STK24: variants seen among roughly 807,000 people sequenced by gnomAD.
STK24 encodes serine/threonine-protein kinase 24.
In STK24, 21 loss-of-function variants were observed where a neutral mutation model predicts 55.6. The ratio of observed to expected loss-of-function variants is 0.38; its 90% CI spans 0.27 to 0.54. The LOEUF is 0.54. Among genes scored for constraint, STK24 ranks in the 20% least tolerant of loss-of-function variants. The pLI, the probability that STK24 is intolerant of heterozygous loss-of-function variation, is 0.79. For missense variants in STK24, 383 were observed against 538.4 expected, an observed-to-expected ratio of 0.71 and a Z score of 2.86; for synonymous variants, 200 against 215.2, an observed-to-expected ratio of 0.93 and a Z score of 0.62.
chr13:98,519,685 A>G (rs1010004179), intron 1 of STK24, among the ~76,000 whole-genome samples: 14 of 152,228 alleles, frequency 9.2e-5, no homozygotes, highest in African/African-American at 3.4e-4. Context: ...CAGACTATGA[A>G]AGGCAGCAAG....
intron 2 of STK24, among the ~76,000 whole-genome samples, chr13:98,483,503 C>G (rs1379930739): frequency 6.6e-6 from 1 of 152,166 alleles, no homozygotes; most frequent in Non-Finnish European, 1.5e-5. Context: ...GCCCCTGACT[C>G]CAGGTCTCAC....
At chr13:98,523,652 C>G (rs1948989629) in intron 1 of STK24, among the ~76,000 whole-genome samples, 2 of 152,346 alleles carry the variant, frequency 1.3e-5, no homozygotes, top group South Asian at 4.1e-4. Flanking sequence ...CAGCTGAGCT[C>G]CCAGGATGTG....
chr13:98,461,226 G>C, intron 8 of STK24, among the ~76,000 whole-genome samples: 1 of 152,150 alleles, frequency 6.6e-6, no homozygotes, highest in Non-Finnish European at 1.5e-5. Flanking sequence ...GGGACTTGTA[G>C]GATCAACAGG....
intron 1 of STK24, among the ~76,000 whole-genome samples, chr13:98,563,057 C>T (rs1369224633): frequency 1.3e-5 from 2 of 152,176 alleles, no homozygotes; most frequent in South Asian, 2.1e-4. Flanking sequence ...TCCCAAGAAA[C>T]GATTTGCTCC....
chr13:98,486,381 G>C (rs1894808267), intron 2 of STK24, among the ~76,000 whole-genome samples: 1 of 152,118 alleles, frequency 6.6e-6, no homozygotes, highest in Admixed American at 6.5e-5. Flanking sequence ...CCTCCAATGA[G>C]ATCCCAAAGA....
At chr13:98,521,681 G>T (rs1029962966) in intron 1 of STK24, 1 of 708,102 alleles carries the variant, frequency 1.4e-6, no homozygotes, top group African/African-American at 1.7e-5. Context: ...TTTCGGGGAT[G>T]CGGGGGAAGC....
intron 2 of STK24, among the ~76,000 whole-genome samples, chr13:98,491,808 T>C (rs1895048248): frequency 1.3e-5 from 2 of 151,948 alleles, no homozygotes; most frequent in African/African-American, 4.8e-5. Flanking sequence ...ATGAATCCAA[T>C]CATTTTTAAA....
intron 3 of STK24, among the ~76,000 whole-genome samples, chr13:98,479,520 C>G (rs1363818745): frequency 6.6e-6 from 1 of 152,226 alleles, no homozygotes; most frequent in Non-Finnish European, 1.5e-5. Flanking sequence ...TGCCCAACAG[C>G]AGACCTGGGC....
Position 98,491,181 on chromosome 13 carries a change from C to T in STK24, c.274-8860G>A, listed in dbSNP as rs1271798037. 4.3e-5 allele frequency among the ~76,000 whole-genome samples: 5 copies of T among 117,456 alleles called. No individual in the cohort carries two copies. The Middle Eastern group carries it at 0.016, about 367-fold the overall frequency. The allele number at this position is 117,456 out of a possible 152,430, so 77.1% of individuals were successfully genotyped here. A position where few individuals can be genotyped will look rare whatever the true frequency, so the allele number is the denominator to read the frequency against. On this transcript the variant is annotated intron_variant, in intron 2 of 10. Coordinates refer to ENST00000539966, the MANE Select transcript of STK24 (RefSeq NM_001032296.4). ...CTTACAGAAGAATGCAGAAGCCCAC[C>T]GGACCTACACCCCTTCTCATCTCCC...
At chr13:98,497,319 A>G (rs1895286063) in intron 2 of STK24, among the ~76,000 whole-genome samples, 3 of 152,160 alleles carry the variant, frequency 2.0e-5, no homozygotes, top group South Asian at 4.1e-4. Context: ...CTAACCACGT[A>G]TGTTAGGAAT....
At chr13:98,454,662 T>A (rs1297501077) in intron 10 of STK24, 3 of 152,330 alleles carry the variant, frequency 2.0e-5, no homozygotes, top group Non-Finnish European at 4.4e-5. Flanking sequence ...CTCTCATTTT[T>A]CCTACAGCCA....
At chr13:98,521,908 C>T in intron 1 of STK24, 1 of 981,670 alleles carries the variant, frequency 1.0e-6, no homozygotes, top group Non-Finnish European at 1.7e-6. Context: ...CTCCTTCTTC[C>T]ATTCACCCCT....
At chr13:98,570,680 T>C (rs1897717274) in intron 1 of STK24, among the ~76,000 whole-genome samples, 1 of 152,194 alleles carries the variant, frequency 6.6e-6, no homozygotes, top group South Asian at 2.1e-4. Flanking sequence ...GTTTCACAGT[T>C]TGTACCAAGC....
chr13:98,452,979 C>A lies in STK24; in HGVS notation c.*194G>T. Reference sequence around the variant, plus strand: ...CGCTGGAAGGAGCTGACCCTCCCCACCCATCTGAGAGACTTCATCTGGCTG... The same window carrying A: ...CGCTGGAAGGAGCTGACCCTCCCCAACCATCTGAGAGACTTCATCTGGCTG... On this transcript the variant is annotated 3_prime_UTR_variant, in exon 11 of 11. Coordinates refer to ENST00000539966, the MANE Select transcript of STK24 (RefSeq NM_001032296.4). 2.0e-6 allele frequency: 1 copy of A among 511,670 alleles called. No individual in the cohort carries two copies. Among genetic ancestry groups the A allele is most frequent in the Non-Finnish European group, 3.4e-6 (1 of 291,570 alleles). The allele number at this position is 511,670 out of a possible 1,614,324, so 31.7% of individuals were successfully genotyped here. A position where few individuals can be genotyped will look rare whatever the true frequency, so the allele number is the denominator to read the frequency against.
At position 98,469,865 on chromosome 13, in the gene STK24, G is replaced by A. The variant is rs148352863; in HGVS notation, c.598-3304C>T. ...CATGTGAATCAATGGCAAGCAATTT[G>A]GCATACAAATCGAAAGCCACAAAAA... On this transcript the variant is annotated intron_variant, in intron 5 of 10. Coordinates refer to ENST00000539966, the MANE Select transcript of STK24 (RefSeq NM_001032296.4). 7.0e-3 allele frequency among the ~76,000 whole-genome samples: 1,066 copies of A among 152,228 alleles called. 6 individuals carry two copies. The highest frequency in any genetic ancestry group is 0.027 in the Middle Eastern group (8 of 294).
At position 98,502,035 on chromosome 13, in the gene STK24, T is replaced by C. The variant is rs1566371935; in HGVS notation, c.273+17208A>G. Among the ~76,000 whole-genome samples the C allele has an allele frequency of 2.0e-5, 3 of 152,240 alleles. No homozygotes were observed. In the South Asian group the frequency reaches 6.2e-4, roughly 32 times the overall value. ...CCAACCCTAAGCCAGCAGAAAACTC[T>C]AAAAACTAATCCAGGAAGCTATTGC... On this transcript the variant is annotated intron_variant, in intron 2 of 10. Transcript: ENST00000539966.
At chr13:98,479,955 A>AGG (rs1490377846) in intron 3 of STK24, among the ~76,000 whole-genome samples, 2 of 152,170 alleles carry the variant, frequency 1.3e-5, no homozygotes, top group Non-Finnish European at 2.9e-5. Context: ...TGGCAGAGCA[A>AGG]GGGTCAAGGC....
intron 1 of STK24, among the ~76,000 whole-genome samples, chr13:98,559,473 T>C (rs2139448385): frequency 6.6e-6 from 1 of 152,318 alleles, no homozygotes; most frequent in Middle Eastern, 3.4e-3. Flanking sequence ...TCCCCAACCA[T>C]GTGGAACTAT....
chr13:98,549,256 CA>C lies in STK24; in HGVS notation c.42+27488del, dbSNP rs879773748. On this transcript the variant is annotated intron_variant, in intron 1 of 10. Transcript: ENST00000539966. ...ATAAACAACATCGATTCATTGCTTA[CA>C]GTTCTGGAGGTTGGGAAGTCCAAGG... is the stretch of plus-strand genomic sequence containing the variant. 5.9e-5 allele frequency among the ~76,000 whole-genome samples: 9 copies of C among 152,334 alleles called. No individual in the cohort carries two copies. In the South Asian group the frequency reaches 8.3e-4, roughly 14 times the overall value.
Sources: allele counts gnomAD v4.1 joint callset (sites outside exome capture counted in the v4.1 genomes callset), GRCh38; gene constraint gnomAD v4.1.1; transcripts MANE v1.5; gene names NCBI Gene and HGNC (gene_info 2026-07-23, HGNC 2026-07-21).